Variants in SMYD3 observed in about 807,000 individuals in gnomAD.
SMYD3 encodes histone-lysine N-methyltransferase SMYD3.
Under a neutral mutation model 57.7 loss-of-function variants are expected in SMYD3, and 36 were observed. The observed-to-expected ratio is 0.62, with a 90% confidence interval of 0.48 to 0.82. The LOEUF (loss-of-function observed/expected upper bound fraction) is 0.82, where lower values mean the gene tolerates loss of function less well. Among genes scored for constraint, SMYD3 ranks in the 40% least tolerant of loss-of-function variants. The pLI, the probability that SMYD3 is intolerant of heterozygous loss-of-function variation, is 0.00. For synonymous variants in SMYD3, 211 were observed against 195.0 expected (o/e 1.08, Z -0.68); for missense variants, 515 against 538.8 (o/e 0.96, Z 0.44).
intron 5 of SMYD3, among the ~76,000 whole-genome samples, chr1:245,950,242 T>C (rs904058802): frequency 6.6e-5 from 10 of 152,124 alleles, no homozygotes; most frequent in African/African-American, 2.4e-4. Context: ...ACCTGGATAT[T>C]TCCTCTTGGT....
chr1:245,909,389 A>G (rs2054807386), intron 8 of SMYD3, among the ~76,000 whole-genome samples: 1 of 152,174 alleles, frequency 6.6e-6, no homozygotes, highest in Non-Finnish European at 1.5e-5. Context: ...AAAAGAATGA[A>G]TACCAATTCT....
At chr1:246,238,257 C>T (rs895882014) in intron 5 of SMYD3, among the ~76,000 whole-genome samples, 1 of 152,110 alleles carries the variant, frequency 6.6e-6, no homozygotes, top group African/African-American at 2.4e-5. Flanking sequence ...ACTCGAACTC[C>T]TGAGCTCAAG....
At chr1:245,858,249 A>G (rs1474335017) in intron 10 of SMYD3, among the ~76,000 whole-genome samples, 1 of 152,238 alleles carries the variant, frequency 6.6e-6, no homozygotes, top group East Asian at 1.9e-4. Context: ...AGATAGAGAC[A>G]GCATCTAATT....
intron 5 of SMYD3, among the ~76,000 whole-genome samples, chr1:246,165,491 A>G (rs1260586913): frequency 1.3e-5 from 2 of 152,154 alleles, no homozygotes; most frequent in East Asian, 1.9e-4. Context: ...ACAGGAAAAG[A>G]CATCCTTGCC....
intron 5 of SMYD3, chr1:246,326,424 C>T (rs754220726): frequency 1.8e-5 from 12 of 683,128 alleles, no homozygotes; most frequent in Admixed American, 2.3e-5. Flanking sequence ...AATCAATCAT[C>T]GCACTCTTCC....
At chr1:246,071,917 G>A (rs112238493) in intron 5 of SMYD3, among the ~76,000 whole-genome samples, 1,669 of 107,508 alleles carry the variant, frequency 0.016, 62 homozygotes, top group Non-Finnish European at 0.023. Context: ...GGAGGGATTC[G>A]TGTGCTTTCC....
intron 10 of SMYD3, among the ~76,000 whole-genome samples, chr1:245,782,045 T>G (rs1392011770): frequency 1.3e-5 from 2 of 152,186 alleles, no homozygotes; most frequent in Non-Finnish European, 2.9e-5. Flanking sequence ...CAGAGCTTTC[T>G]TTGCTCAGGC....
At position 246,369,914 on chromosome 1, in the gene SMYD3, T is replaced by C. The variant is rs115966884; in HGVS notation, c.165-14820A>G. Among the ~76,000 whole-genome samples, 1,427 of 151,858 alleles carry C rather than the reference T, an allele frequency of 9.4e-3. 26 individuals carry two copies. Among genetic ancestry groups the C allele is most frequent in the African/African-American group, 0.032 (1,323 of 41,394 alleles). ...AAAGTATAAAACAAAAAAAAAAATG[T>C]AATGGTTAGTATTTCGAGGAAAATT... On this transcript the variant is annotated intron_variant, in intron 1 of 11. Coordinates refer to ENST00000490107, the MANE Select transcript of SMYD3 (RefSeq NM_001167740.2).
chr1:245,858,408 T>G, intron 10 of SMYD3, 88 bp downstream of exon 10: 1 of 1,319,454 alleles, frequency 7.6e-7, no homozygotes, highest in Non-Finnish European at 1.0e-6. Context: ...CCATGCAAAG[T>G]AGTAATCAGA....
chr1:246,482,439 G>A (rs139032085), intron 1 of SMYD3, among the ~76,000 whole-genome samples: 400 of 149,904 alleles, frequency 2.7e-3, no homozygotes, highest in African/African-American at 9.4e-3. Context: ...GGCACAAAGT[G>A]GTATTACCCC....
At chr1:245,978,840 AT>A (rs1331903021) in intron 5 of SMYD3, among the ~76,000 whole-genome samples, 1 of 152,122 alleles carries the variant, frequency 6.6e-6, no homozygotes, top group African/African-American at 2.4e-5. Flanking sequence ...ACGAAGGCAA[AT>A]TATGGGGCTC....
chr1:246,241,033 G>T (rs1469019082), intron 5 of SMYD3, among the ~76,000 whole-genome samples: 1 of 151,642 alleles, frequency 6.6e-6, no homozygotes, highest in African/African-American at 2.4e-5. Flanking sequence ...CATGTCATCT[G>T]CTAACAGGGA....
Position 246,335,349 on chromosome 1 carries a change from C to A in SMYD3, c.336+18G>T, listed in dbSNP as rs766849998. ...ATTTAACCAAAACCCAGCTATATTT[C>A]ATGAGTTTTATACTCACAAGTTTGA... On this transcript the variant is annotated intron_variant, in intron 3 of 11. Transcript: ENST00000490107. 2 of 1,604,088 alleles carry A rather than the reference C, an allele frequency of 1.2e-6. No individual in the cohort carries two copies. The highest frequency in any genetic ancestry group is 8.5e-7 in the Non-Finnish European group (1 of 1,171,306).
intron 10 of SMYD3, among the ~76,000 whole-genome samples, chr1:245,798,426 C>CCACA (rs1479460237): frequency 4.5e-4 from 2 of 4,494 alleles, no homozygotes; most frequent in African/African-American, 3.2e-3. Flanking sequence ...ATACACACCC[C>CCACA]CACACACATA....
chr1:245,804,337 C>T (rs1431535538), intron 10 of SMYD3, among the ~76,000 whole-genome samples: 7 of 152,178 alleles, frequency 4.6e-5, no homozygotes, highest in Non-Finnish European at 8.8e-5. Flanking sequence ...CGCAGTGGCA[C>T]TTTGGGAGGC....
chr1:246,169,443 G>A (rs1428948867), intron 5 of SMYD3, among the ~76,000 whole-genome samples: 4 of 112,884 alleles, frequency 3.5e-5, no homozygotes, highest in Non-Finnish European at 5.5e-5. Context: ...AGCTTAAAAA[G>A]CTGGACTATC....
intron 10 of SMYD3, among the ~76,000 whole-genome samples, chr1:245,782,295 G>C (rs1396789829): frequency 6.6e-6 from 1 of 152,154 alleles, no homozygotes; most frequent in Non-Finnish European, 1.5e-5. Flanking sequence ...CAACTTGTAA[G>C]ATTTTGACAG....
chr1:246,434,933 A>G (rs2067348455), intron 1 of SMYD3, among the ~76,000 whole-genome samples: 1 of 152,176 alleles, frequency 6.6e-6, no homozygotes, highest in African/African-American at 2.4e-5. Context: ...TAAAGAAAAC[A>G]TGGGGTGTGT....
chr1:245,992,468 G>C (rs1211162158), intron 5 of SMYD3, among the ~76,000 whole-genome samples: 2 of 152,248 alleles, frequency 1.3e-5, no homozygotes, highest in African/African-American at 2.4e-5. Flanking sequence ...GAGCCATGTA[G>C]TAAAATCAGC....
Sources: gnomAD v4.1 joint callset for allele counts (sites outside exome capture counted in the v4.1 genomes callset) on GRCh38, gnomAD v4.1.1 for gene constraint, MANE v1.5 for transcripts, NCBI Gene and HGNC (gene_info 2026-07-23, HGNC 2026-07-21) for gene names.